The following KHDRBS1 variants were observed in gnomAD, a reference collection of about 807,000 sequenced individuals.
KHDRBS1 encodes KH RNA binding domain containing, signal transduction associated 1.
In KHDRBS1, 7 loss-of-function variants were observed where a neutral mutation model predicts 48.4. The ratio of observed to expected loss-of-function variants is 0.14; its 90% CI spans 0.08 to 0.27. The LOEUF (loss-of-function observed/expected upper bound fraction) is 0.27. KHDRBS1 is among the 10% of genes least tolerant of loss of function. The pLI, the probability that KHDRBS1 is intolerant of heterozygous loss-of-function variation, is 1.00. For missense variants in KHDRBS1, 458 were observed against 601.2 expected (o/e 0.76, Z 2.49); for synonymous variants, 241 against 235.8 (o/e 1.02, Z -0.20).
chr1:32,027,893 A>T (rs1396223906), intron 1 of KHDRBS1, among the ~76,000 whole-genome samples: 1 of 152,210 alleles, frequency 6.6e-6, no homozygotes, highest in Non-Finnish European at 1.5e-5. Flanking sequence ...CGAGTGGATC[A>T]TCTGAAGTCA....
rs576878636 is a variant in KHDRBS1, at chr1:32,027,216, G to A, written c.383-3082G>A. 2.6e-5 allele frequency among the ~76,000 whole-genome samples: 4 copies of A among 152,316 alleles called. No individual in the cohort carries two copies. The South Asian group carries it at 8.3e-4, about 32-fold the overall frequency. ...CAACGTGCTGGGATTACAGGCATGA[G>A]CCACCTCTCCTGGCCTGTTCCACAT... On this transcript the variant is annotated intron_variant, in intron 1 of 8. Coordinates refer to ENST00000327300, the MANE Select transcript of KHDRBS1 (RefSeq NM_006559.3).
intron 4 of KHDRBS1, 140 bp downstream of exon 4, chr1:32,033,474 G>T: frequency 2.6e-6 from 3 of 1,150,466 alleles, no homozygotes; most frequent in Non-Finnish European, 3.6e-6. Flanking sequence ...ATTTTCCTTA[G>T]GTAGTTCGTT....
intron 4 of KHDRBS1, among the ~76,000 whole-genome samples, chr1:32,035,835 G>T (rs1228080434): frequency 6.6e-6 from 1 of 152,222 alleles, no homozygotes; most frequent in Non-Finnish European, 1.5e-5. Flanking sequence ...TGTGGTAAGT[G>T]CTTGGGTATA....
rs1639217726 is a variant in KHDRBS1, at chr1:32,038,018, A to G, written c.1089A>G (p.Pro363=). 6.2e-7 allele frequency: 1 copy of G among 1,614,224 alleles called. No homozygotes were observed. Among genetic ancestry groups the G allele is most frequent in the South Asian group, 1.1e-5 (1 of 91,086 alleles). ...TACCTTTGCCTCCACCTCCTGCACC[A>G]GAAACATATGAAGAATATGTAAGAA... The part of the protein sequence containing the change: ...QRIPLPPPPA[P]ETYEEYGYDD... Residue 363 remains proline (P), a synonymous_variant, in exon 6 of 9, where the codon CCA becomes CCG. Transcript: ENST00000327300.
rs940803889 is a variant in KHDRBS1, at chr1:32,043,282, T to C, written c.*658T>C. On this transcript the variant is annotated 3_prime_UTR_variant, in exon 9 of 9. Transcript: ENST00000327300. ...ATGCAATTTTTAACGTTAATTGATA[T>C]AAAAAAAAAAACAACAAAATTAGGC... is the stretch of plus-strand genomic sequence containing the variant. The C allele has an allele frequency of 6.8e-6, 1 of 146,246 alleles. No homozygotes were observed. The highest frequency in any genetic ancestry group is 1.5e-5 in the Non-Finnish European group (1 of 65,950). The allele number at this position is 146,246 out of a possible 1,614,324, so 9.1% of individuals were successfully genotyped here.
chr1:32,023,878 AAGTC>A (rs1557891121), intron 1 of KHDRBS1, among the ~76,000 whole-genome samples: 2 of 152,190 alleles, frequency 1.3e-5, no homozygotes, highest in Non-Finnish European at 2.9e-5. Context: ...AATTTTATAA[AAGTC>A]AGCTCTTCCT....
chr1:32,017,600 C>CTTTTTTTTTTTTTTTT (rs34505125), intron 1 of KHDRBS1, among the ~76,000 whole-genome samples: 1 of 73,820 alleles, frequency 1.4e-5, no homozygotes, highest in Non-Finnish European at 2.4e-5. Flanking sequence ...TCTTTTTCTA[C>CTTTTTTTTTTTTTTTT]TTTTTTTTTT....
downstream of KHDRBS1, among the ~76,000 whole-genome samples, chr1:32,048,092 A>G (rs764464228): frequency 5.3e-5 from 8 of 152,214 alleles, no homozygotes; most frequent in Non-Finnish European, 1.2e-4. Context: ...TAAGTATTTT[A>G]TCTCTCATTT....
chr1:32,032,879 G>T (rs971598644), intron 3 of KHDRBS1, among the ~76,000 whole-genome samples: 1 of 151,986 alleles, frequency 6.6e-6, no homozygotes, highest in Admixed American at 6.6e-5. Flanking sequence ...TAGTAGAGAC[G>T]GGGCTTCATC....
Position 32,042,742 on chromosome 1 carries a change from T to C in KHDRBS1, c.*118T>C, listed in dbSNP as rs1439312832. On this transcript the variant is annotated 3_prime_UTR_variant, in exon 9 of 9. Coordinates refer to ENST00000327300, the MANE Select transcript of KHDRBS1 (RefSeq NM_006559.3). The stretch of plus-strand genomic sequence containing the variant: ...CAAGTAATTGTCTAAGTGTTTTTCT[T>C]CGTGGTCCCCTTCTTCTCCCCACCT... 1.5e-6 allele frequency: 1 copy of C among 654,460 alleles called. No individual in the cohort carries two copies. Among genetic ancestry groups the C allele is most frequent in the African/African-American group, 1.8e-5 (1 of 55,748 alleles). 40.5% of individuals were successfully genotyped at this position (654,460 alleles called of 1,614,324 possible). A position where few individuals can be genotyped will look rare whatever the true frequency, so the allele number is the denominator to read the frequency against.
chr1:32,042,778 T>C lies in KHDRBS1; in HGVS notation c.*154T>C. 1 of 562,260 alleles carries C rather than the reference T, an allele frequency of 1.8e-6. No individual in the cohort carries two copies. Among genetic ancestry groups the C allele is most frequent in the South Asian group, 2.3e-5 (1 of 42,720 alleles). 34.8% of individuals were successfully genotyped at this position (562,260 alleles called of 1,614,324 possible). ...TTCTTCTCCCCACCTTATTCCATTCTTAACTCTGCATTCTGGCTTCTGTAT... is the reference window on the plus strand; with the variant it reads ...TTCTTCTCCCCACCTTATTCCATTCCTAACTCTGCATTCTGGCTTCTGTAT... On this transcript the variant is annotated 3_prime_UTR_variant, in exon 9 of 9. Coordinates refer to ENST00000327300, the MANE Select transcript of KHDRBS1 (RefSeq NM_006559.3).
intron 10 of KHDRBS1, among the ~76,000 whole-genome samples, chr1:32,049,218 G>C (rs1231402428): frequency 4.0e-5 from 6 of 151,810 alleles, no homozygotes; most frequent in Non-Finnish European, 7.4e-5. Flanking sequence ...TCCATGCCTG[G>C]CTAATTTTTG....
rs187064314 is a variant in KHDRBS1 at position 32,021,059 on chromosome 1, A to G, written c.382+6682A>G. Among the ~76,000 whole-genome samples the G allele has an allele frequency of 1.0e-3, 152 of 152,326 alleles. 1 individual carries two copies. The highest frequency in any genetic ancestry group is 2.5e-3 in the Admixed American group (38 of 15,302). On this transcript the variant is annotated intron_variant, in intron 1 of 8. Transcript: ENST00000327300. ...TATGCAAAATGTTATGGGGAAAACT[A>G]AAGTATACAGGATCTCTGTTATTTC...
At chr1:32,055,083 C>T (rs538810535) in intron 10 of KHDRBS1, among the ~76,000 whole-genome samples, 5 of 152,272 alleles carry the variant, frequency 3.3e-5, no homozygotes, top group African/African-American at 9.6e-5. Flanking sequence ...TCAGCTTACA[C>T]CAAAGTAGTT....
At chr1:32,057,809 A>AG (rs886881376) in intron 10 of KHDRBS1, among the ~76,000 whole-genome samples, 3 of 146,418 alleles carry the variant, frequency 2.0e-5, no homozygotes, top group African/African-American at 7.6e-5. Context: ...AAAAAAAAAA[A>AG]AGAGAGAGAG....
intron 4 of KHDRBS1, 90 bp from the exon 5 acceptor site, chr1:32,036,820 T>C: frequency 7.1e-7 from 1 of 1,405,144 alleles, no homozygotes; most frequent in Non-Finnish European, 9.6e-7. Flanking sequence ...TCAAGAGCTC[T>C]TCTTAGAATT....
chr1:32,046,722 G>A (rs765930758), downstream of KHDRBS1, among the ~76,000 whole-genome samples: 1 of 152,132 alleles, frequency 6.6e-6, no homozygotes, highest in Non-Finnish European at 1.5e-5. Flanking sequence ...TGAGGAGAAA[G>A]GCCTAACTAG....
Position 32,043,624 on chromosome 1 carries a change from G to A in KHDRBS1, c.*1000G>A, listed in dbSNP as rs763188976. On this transcript the variant is annotated 3_prime_UTR_variant, in exon 9 of 9. Transcript: ENST00000327300. ...TTAAGTTGACGGTTGTCAATATATC[G>A]AACTGTTCCCAAGTTAGTCAAGTAT... 4.6e-5 allele frequency: 7 copies of A among 152,546 alleles called. No individual in the cohort carries two copies. Among genetic ancestry groups the A allele is most frequent in the Admixed American group, 1.3e-4 (2 of 15,272 alleles). The allele number at this position is 152,546 out of a possible 1,614,324, so 9.4% of individuals were successfully genotyped here.
chr1:32,050,399 T>C (rs1639404210), intron 10 of KHDRBS1, among the ~76,000 whole-genome samples: 1 of 152,234 alleles, frequency 6.6e-6, no homozygotes, highest in African/African-American at 2.4e-5. Context: ...GTCCAGTTTA[T>C]CTGTTTTTTT....
Sources: allele counts gnomAD v4.1 joint callset (sites outside exome capture counted in the v4.1 genomes callset), GRCh38; gene constraint gnomAD v4.1.1; transcripts MANE v1.5; gene names NCBI Gene and HGNC (gene_info 2026-07-23, HGNC 2026-07-21).